SPOCK1: variants seen among roughly 807,000 people sequenced by gnomAD.
SPOCK1 encodes SPARC (osteonectin), cwcv and kazal like domains proteoglycan 1, also known as testican-1.
Under a neutral mutation model 55.3 loss-of-function variants are expected in SPOCK1, and 23 were observed. The observed-to-expected ratio is 0.42, with a 90% CI of 0.30 to 0.59. The LOEUF is 0.59. Ranked by LOEUF, SPOCK1 falls within the 20% of genes least tolerant of loss-of-function variation. SPOCK1 has a pLI of 0.22. For synonymous variants in SPOCK1, 226 were observed against 221.0 expected (o/e 1.02, Z -0.20); for missense variants, 499 against 552.5 (o/e 0.90, Z 0.97).
chr5:137,462,217 C>T (rs528457707), intron 2 of SPOCK1, among the ~76,000 whole-genome samples: 1 of 152,308 alleles, frequency 6.6e-6, no homozygotes, highest in Middle Eastern at 3.4e-3. Context: ...TTATTTTTCA[C>T]TGATAGAATT....
chr5:137,410,713 T>G (rs1467795727), intron 2 of SPOCK1, among the ~76,000 whole-genome samples: 4 of 152,238 alleles, frequency 2.6e-5, no homozygotes, highest in Non-Finnish European at 5.9e-5. Flanking sequence ...CCTGTGAGCA[T>G]GAGCTCGAGT....
At chr5:137,250,371 T>A (rs1031945888) in intron 3 of SPOCK1, among the ~76,000 whole-genome samples, 10 of 152,212 alleles carry the variant, frequency 6.6e-5, no homozygotes, top group Non-Finnish European at 1.5e-4. Flanking sequence ...GGTACAATAA[T>A]AGATAGCCTC....
chr5:137,036,698 G>A (rs917750679), intron 6 of SPOCK1, among the ~76,000 whole-genome samples: 3 of 152,322 alleles, frequency 2.0e-5, no homozygotes, highest in Non-Finnish European at 2.9e-5. Context: ...CGGTAAGGCC[G>A]GAATGTGATG....
intron 2 of SPOCK1, among the ~76,000 whole-genome samples, chr5:137,291,839 C>A (rs1239575202): frequency 6.6e-6 from 1 of 152,208 alleles, no homozygotes; most frequent in African/African-American, 2.4e-5. Context: ...TGAGCTCACA[C>A]TCCTTGCCAC....
chr5:137,402,937 G>T (rs567442504), intron 2 of SPOCK1, among the ~76,000 whole-genome samples: 2 of 152,318 alleles, frequency 1.3e-5, no homozygotes, highest in Admixed American at 1.3e-4. Flanking sequence ...ACAGAGTTGT[G>T]AGAAACCTCA....
intron 2 of SPOCK1, among the ~76,000 whole-genome samples, chr5:137,458,070 G>C (rs1753405307): frequency 6.6e-6 from 1 of 152,188 alleles, no homozygotes; most frequent in African/African-American, 2.4e-5. Flanking sequence ...ATTCCAGTAA[G>C]CTCTCGTTCT....
chr5:137,211,424 T>C (rs1755613036), intron 3 of SPOCK1, among the ~76,000 whole-genome samples: 1 of 152,222 alleles, frequency 6.6e-6, no homozygotes, highest in South Asian at 2.1e-4. Context: ...GGCCCCTGGT[T>C]TCTGAGACAA....
At chr5:137,456,033 TGGAGGAGGAAGAAGAAAAAA>T (rs1401511936) in intron 2 of SPOCK1, among the ~76,000 whole-genome samples, 1 of 150,462 alleles carries the variant, frequency 6.6e-6, no homozygotes, top group African/African-American at 2.5e-5. Context: ...ATCTCTAAAA[TGGAGGAGGAAGAAGAAAAAA>T]GGAGGAGAAG....
Position 137,499,169 on chromosome 5 carries a change from G to C in SPOCK1, c.-1+10C>G, listed in dbSNP as rs1754385485. ...CCAAGTTGGGGCGCGGGGTTCCTCT[G>C]GGCACGTACCTTGGGGGCCGGCCCG... On this transcript the variant is annotated intron_variant, in intron 1 of 10. Transcript: ENST00000394945. 6.6e-6 allele frequency: 1 copy of C among 152,112 alleles called. No individual in the cohort carries two copies. Among genetic ancestry groups the C allele is most frequent in the African/African-American group, 2.4e-5 (1 of 41,416 alleles). 9.4% of individuals were successfully genotyped at this position (152,112 alleles called of 1,614,324 possible).
intron 6 of SPOCK1, among the ~76,000 whole-genome samples, chr5:137,038,013 C>T (rs1443990650): frequency 6.6e-6 from 1 of 152,210 alleles, no homozygotes; most frequent in African/African-American, 2.4e-5. Flanking sequence ...TTCTACCTAA[C>T]TGCAAGAGGG....
chr5:137,326,216 G>A (rs980298284), intron 2 of SPOCK1, among the ~76,000 whole-genome samples: 1 of 151,614 alleles, frequency 6.6e-6, no homozygotes, highest in African/African-American at 2.4e-5. Flanking sequence ...CCAATTGACA[G>A]ATGTTTCAAT....
At chr5:137,225,323 A>G (rs993932831) in intron 3 of SPOCK1, among the ~76,000 whole-genome samples, 28 of 152,088 alleles carry the variant, frequency 1.8e-4, no homozygotes, top group African/African-American at 6.8e-4. Context: ...AAATGCAACT[A>G]CCTCATAGAG....
At chr5:137,256,684 C>T (rs1047131096) in intron 3 of SPOCK1, among the ~76,000 whole-genome samples, 5 of 152,170 alleles carry the variant, frequency 3.3e-5, no homozygotes, top group South Asian at 2.1e-4. Context: ...CCTGTGGTCT[C>T]TGAGCACAGT....
chr5:137,272,617 G>A (rs963069898), intron 2 of SPOCK1, among the ~76,000 whole-genome samples: 2 of 152,158 alleles, frequency 1.3e-5, no homozygotes, highest in African/African-American at 2.4e-5. Flanking sequence ...AGCTTGGGCA[G>A]TGACTTGAGG....
chr5:137,401,009 T>A (rs1455800859), intron 2 of SPOCK1, among the ~76,000 whole-genome samples: 1 of 151,446 alleles, frequency 6.6e-6, no homozygotes, highest in Admixed American at 6.6e-5. Context: ...CCAGAGTCAG[T>A]GGACAAGCAT....
intron 4 of SPOCK1, among the ~76,000 whole-genome samples, chr5:137,128,915 A>G (rs1385278744): frequency 1.3e-5 from 2 of 152,200 alleles, no homozygotes; most frequent in East Asian, 3.8e-4. Flanking sequence ...CTACTAGTCT[A>G]CAAGCTCAAT....
chr5:137,394,656 A>G (rs969013668), intron 2 of SPOCK1, among the ~76,000 whole-genome samples: 2 of 152,200 alleles, frequency 1.3e-5, no homozygotes, highest in Non-Finnish European at 2.9e-5. Flanking sequence ...CTTACATGCA[A>G]TAAGTGCTCA....
intron 2 of SPOCK1, among the ~76,000 whole-genome samples, chr5:137,422,263 T>C (rs1371534088): frequency 6.6e-6 from 1 of 152,218 alleles, no homozygotes; most frequent in Non-Finnish European, 1.5e-5. Flanking sequence ...ATTATGTGTC[T>C]TGGAGTTGCT....
intron 3 of SPOCK1, among the ~76,000 whole-genome samples, chr5:137,194,824 C>T (rs897129177): frequency 5.9e-5 from 9 of 152,184 alleles, no homozygotes; most frequent in Non-Finnish European, 1.3e-4. Context: ...CTCCCATAAG[C>T]ACCAGCCCTG....
Sources: allele counts gnomAD v4.1 joint callset (sites outside exome capture counted in the v4.1 genomes callset), GRCh38; gene constraint gnomAD v4.1.1; transcripts MANE v1.5; gene names NCBI Gene and HGNC (gene_info 2026-07-23, HGNC 2026-07-21).